MCC: variants seen among roughly 807,000 people sequenced by gnomAD.
MCC encodes the protein MCC regulator of Wnt signaling pathway.
Under a neutral mutation model 116.2 loss-of-function variants are expected in MCC, and 90 were observed. The observed-to-expected ratio is 0.77, with a 90% CI of 0.65 to 0.92. The LOEUF is 0.92. Among genes scored for constraint, MCC ranks in the 40% least tolerant of loss-of-function variants. The pLI, the probability that MCC is intolerant of heterozygous loss-of-function variation, is 0.00. For missense variants in MCC, 1,516 were observed against 1,312.2 expected (o/e 1.16, Z -2.40); for synonymous variants, 578 against 510.5 (o/e 1.13, Z -1.78).
At chr5:113,148,184 C>CTGTAGAATGTTGATGCA (rs1380937665) in intron 4 of MCC, among the ~76,000 whole-genome samples, 2 of 152,228 alleles carry the variant, frequency 1.3e-5, no homozygotes, top group Non-Finnish European at 2.9e-5. Context: ...TCCCACTGGG[C>CTGTAGAATGTTGATGCA]TGTAGAATGT....
At chr5:113,415,685 CT>C (rs1770124907) in intron 1 of MCC, among the ~76,000 whole-genome samples, 1 of 152,100 alleles carries the variant, frequency 6.6e-6, no homozygotes, top group African/African-American at 2.4e-5. Flanking sequence ...TTTTTCAAGG[CT>C]TTTAGCTTCC....
chr5:113,466,455 T>C (rs1429304066), intron 1 of MCC, among the ~76,000 whole-genome samples: 2 of 151,504 alleles, frequency 1.3e-5, no homozygotes, highest in East Asian at 1.9e-4. Flanking sequence ...GTCCTTGCCA[T>C]AGTTTGCTGA....
At position 113,132,443 on chromosome 5, in the gene MCC, TACACACAC is replaced by T. The variant is rs140363649; in HGVS notation, c.885-9625_885-9618del. Among the ~76,000 whole-genome samples the T allele has an allele frequency of 3.0e-3, 110 of 36,562 alleles. 2 individuals carry two copies. Among genetic ancestry groups the T allele is most frequent in the African/African-American group, 4.3e-3 (90 of 21,080 alleles). The allele number at this position is 36,562 out of a possible 152,430, so 24.0% of individuals were successfully genotyped here. On this transcript the variant is annotated intron_variant, in intron 5 of 18. Transcript: ENST00000408903. ...ACACACATACATATATATATATATATACACACACACACACACACACACACACACACACA... is the reference window on the plus strand; with the variant it reads ...ACACACATACATATATATATATATATACACACACACACACACACACACACA...
intron 14 of MCC, among the ~76,000 whole-genome samples, chr5:113,055,518 G>C (rs1417549990): frequency 2.0e-5 from 3 of 152,324 alleles, no homozygotes; most frequent in East Asian, 3.9e-4. Flanking sequence ...GGCTACCCTA[G>C]GGCTTGGGGT....
At chr5:113,028,036 C>A (rs1192505093) in intron 18 of MCC, among the ~76,000 whole-genome samples, 1 of 152,136 alleles carries the variant, frequency 6.6e-6, no homozygotes, top group Non-Finnish European at 1.5e-5. Context: ...TTGAACTGTT[C>A]CCACCAGAGC....
chr5:113,038,399 AGG>A (rs1384152464), intron 17 of MCC, among the ~76,000 whole-genome samples: 2 of 152,068 alleles, frequency 1.3e-5, no homozygotes, highest in African/African-American at 4.8e-5. Flanking sequence ...GTGGGGACTG[AGG>A]GTTAAGGAGG....
At chr5:113,288,492 T>C (rs1766349083) in intron 3 of MCC, among the ~76,000 whole-genome samples, 1 of 152,184 alleles carries the variant, frequency 6.6e-6, no homozygotes, top group Non-Finnish European at 1.5e-5. Context: ...AACTATTCCT[T>C]ATCGACGAAT....
At chr5:113,077,308 A>G (rs557377058) in intron 11 of MCC, among the ~76,000 whole-genome samples, 1 of 152,204 alleles carries the variant, frequency 6.6e-6, no homozygotes, top group African/African-American at 2.4e-5. Flanking sequence ...AAGCAGACCA[A>G]ACAGGCATCT....
chr5:113,102,467 G>T (rs937367861), intron 7 of MCC, among the ~76,000 whole-genome samples: 1 of 152,110 alleles, frequency 6.6e-6, no homozygotes. Flanking sequence ...AAATTCAGAT[G>T]GTGCAAATGA....
Position 113,170,019 on chromosome 5 carries a change from C to T in MCC, c.628-18597G>A, listed in dbSNP as rs183205945. On this transcript the variant is annotated intron_variant, in intron 3 of 18. Transcript: ENST00000408903. ...TGGCAAGTACATGATACCTCAGCTA[C>T]AGCTACTATGGTAGAATTAGATGGA... Among the ~76,000 whole-genome samples the T allele has an allele frequency of 2.2e-3, 331 of 152,308 alleles. 1 individual carries two copies. Among genetic ancestry groups the T allele is most frequent in the African/African-American group, 7.7e-3 (318 of 41,568 alleles).
intron 1 of MCC, among the ~76,000 whole-genome samples, chr5:113,486,735 C>T (rs1580435973): frequency 6.6e-6 from 1 of 151,530 alleles, no homozygotes; most frequent in East Asian, 1.9e-4. Context: ...CCCAGCTACT[C>T]GGGAAGCTGA....
intron 1 of MCC, among the ~76,000 whole-genome samples, chr5:113,393,318 CAT>C (rs1327530355): frequency 6.6e-6 from 1 of 152,060 alleles, no homozygotes; most frequent in Non-Finnish European, 1.5e-5. Flanking sequence ...AAAAATCTAA[CAT>C]ATATATAAAG....
chr5:113,062,520 T>C (rs1753294192), intron 14 of MCC, among the ~76,000 whole-genome samples: 3 of 152,200 alleles, frequency 2.0e-5, no homozygotes, highest in African/African-American at 7.2e-5. Flanking sequence ...AAGCAAACTC[T>C]TATGTTCACT....
At chr5:113,125,862 CTT>C (rs1000854949) in intron 5 of MCC, among the ~76,000 whole-genome samples, 14 of 152,168 alleles carry the variant, frequency 9.2e-5, no homozygotes, top group Non-Finnish European at 2.1e-4. Context: ...CAAGCAATAA[CTT>C]ATTTCTTTGG....
chr5:113,305,278 A>G (rs1054823609), intron 3 of MCC, among the ~76,000 whole-genome samples: 7 of 152,168 alleles, frequency 4.6e-5, no homozygotes, highest in Non-Finnish European at 7.4e-5. Flanking sequence ...GTTGTTTTGC[A>G]TGATTATCAC....
intron 3 of MCC, among the ~76,000 whole-genome samples, chr5:113,293,952 C>T (rs1157729923): frequency 9.2e-5 from 14 of 152,056 alleles, no homozygotes; most frequent in African/African-American, 2.9e-4. Context: ...TTACCGTCGG[C>T]TTAAACTCAT....
chr5:113,279,712 T>C (rs906116899), intron 3 of MCC, among the ~76,000 whole-genome samples: 15 of 152,172 alleles, frequency 9.9e-5, no homozygotes, highest in Admixed American at 9.8e-4. Flanking sequence ...TCTCACAAGC[T>C]CTTACGAATT....
intron 1 of MCC, among the ~76,000 whole-genome samples, chr5:113,450,419 T>A (rs10043783): frequency 0.12 from 17,498 of 152,082 alleles, 1,747 homozygotes; most frequent in African/African-American, 0.27. Flanking sequence ...CTTGAGGTAG[T>A]TCTTTGGCAA....
At chr5:113,482,409 C>T (rs1364641569) in intron 1 of MCC, among the ~76,000 whole-genome samples, 3 of 152,142 alleles carry the variant, frequency 2.0e-5, no homozygotes, top group Non-Finnish European at 1.5e-5. Flanking sequence ...TCTTTACATC[C>T]TTGTCAACAC....
Sources: gnomAD v4.1 joint callset for allele counts (sites outside exome capture counted in the v4.1 genomes callset) on GRCh38, gnomAD v4.1.1 for gene constraint, MANE v1.5 for transcripts, NCBI Gene and HGNC (gene_info 2026-07-23, HGNC 2026-07-21) for gene names.